EXOSC10: variants seen among roughly 807,000 people sequenced by gnomAD.
EXOSC10 encodes exosome component 10.
EXOSC10 carries 94 observed loss-of-function variants against 126.6 expected under a neutral mutation model. The ratio of observed to expected loss-of-function variants is 0.74; its 90% CI spans 0.63 to 0.88. The LOEUF (loss-of-function observed/expected upper bound fraction) is 0.88, where lower values mean the gene tolerates loss of function less well. Ranked by LOEUF, EXOSC10 falls within the 40% of genes least tolerant of loss-of-function variation. The pLI is 0.00. For missense variants in EXOSC10, 1,041 were observed against 1,100.5 expected (o/e 0.95, Z 0.77); for synonymous variants, 395 against 400.8 (o/e 0.99, Z 0.17).
chr1:11,091,403 T>C lies in EXOSC10; in HGVS notation c.477+90A>G, dbSNP rs1352865089. 5.7e-5 allele frequency: 66 copies of C among 1,167,088 alleles called. No individual in the cohort carries two copies. The Admixed American group carries it at 1.6e-3, about 28-fold the overall frequency. The allele number at this position is 1,167,088 out of a possible 1,614,324, so 72.3% of individuals were successfully genotyped here. A position where few individuals can be genotyped will look rare whatever the true frequency, so the allele number is the denominator to read the frequency against. ...AAGGAGACAGTGGCCAGTTCTCTAA[T>C]AAATTAGAACAGAAATGCATGTTAG... is the stretch of plus-strand genomic sequence containing the variant. On this transcript the variant is annotated intron_variant, in intron 4 of 24. Coordinates refer to ENST00000376936, the MANE Select transcript of EXOSC10 (RefSeq NM_001001998.3).
At chr1:11,069,866 G>C (rs1639356599) in intron 21 of EXOSC10, 136 bp from the exon 22 acceptor site, 1 of 906,480 alleles carries the variant, frequency 1.1e-6, no homozygotes, top group African/African-American at 1.7e-5. Flanking sequence ...GAGGAGCTGT[G>C]GCTGGAACTT....
intron 6 of EXOSC10, 24 bp downstream of exon 6, chr1:11,090,530 A>G (rs376433601): frequency 6.3e-7 from 1 of 1,586,452 alleles, no homozygotes. Context: ...CACGGCAGAA[A>G]GTCAGACACA....
At chr1:11,090,460 T>C in intron 6 of EXOSC10, 94 bp downstream of exon 6, 1 of 990,338 alleles carries the variant, frequency 1.0e-6, no homozygotes, top group South Asian at 1.4e-5. Context: ...TCACTACTCC[T>C]CAGATTGTTT....
At chr1:11,071,877 G>C (rs60786969) in intron 20 of EXOSC10, 2 of 494,968 alleles carry the variant, frequency 4.0e-6, no homozygotes, top group East Asian at 3.4e-5. Context: ...CAACGAGACA[G>C]CTACAGCACC....
chr1:11,069,458 T>G (rs1450108623), intron 22 of EXOSC10, 101 bp downstream of exon 22: 105 of 1,317,890 alleles, frequency 8.0e-5, no homozygotes, highest in Non-Finnish European at 1.1e-4. Context: ...GCACCATGCC[T>G]TGTGCAGGAC....
At position 11,087,472 on chromosome 1, in the gene EXOSC10, G is replaced by A. The variant is rs771020609; in HGVS notation, c.1065C>T (p.Ser355=). The A allele has an allele frequency of 3.1e-6, 5 of 1,614,094 alleles. No homozygotes were observed. The highest frequency in any genetic ancestry group is 3.4e-6 in the Non-Finnish European group (4 of 1,180,014). Residue 355 remains serine (S), a synonymous_variant, in exon 9 of 25, where the codon AGC becomes AGT. Transcript: ENST00000376936. ...LRSDMYILNE[S]LTDPAIVKVF... ...CCTTAACGATGGCTGGGTCTGTGAGGCTCTCATTGAGAATGTACATGTCAC... is the reference window on the plus strand; with the variant it reads ...CCTTAACGATGGCTGGGTCTGTGAGACTCTCATTGAGAATGTACATGTCAC...
At chr1:11,080,396 C>T (rs1439324871) in intron 13 of EXOSC10, 103 bp downstream of exon 13, 1 of 1,402,308 alleles carries the variant, frequency 7.1e-7, no homozygotes, top group African/African-American at 1.4e-5. Context: ...GCATTAATCT[C>T]TGAGTAAGCA....
Position 11,068,601 on chromosome 1 carries a change from C to T in EXOSC10, c.2550+44G>A, listed in dbSNP as rs367735562. ...TCTCAGCAGAGGAGGAGGTCAGAAACAGGCGCCACCAGCGTGCTAAAATCC... is the reference window on the plus strand; with the variant it reads ...TCTCAGCAGAGGAGGAGGTCAGAAATAGGCGCCACCAGCGTGCTAAAATCC... On this transcript the variant is annotated intron_variant, in intron 23 of 24. Transcript: ENST00000376936. 13 of 1,512,574 alleles carry T rather than the reference C, an allele frequency of 8.6e-6. No individual in the cohort carries two copies. The Admixed American group carries it at 1.3e-4, about 16-fold the overall frequency. The allele number at this position is 1,512,574 out of a possible 1,614,324, so 93.7% of individuals were successfully genotyped here. A position where few individuals can be genotyped will look rare whatever the true frequency, so the allele number is the denominator to read the frequency against.
chr1:11,082,759 G>C lies in EXOSC10; in HGVS notation c.1209C>G (p.Leu403=), dbSNP rs549732882. Residue 403 remains leucine (L), a synonymous_variant, in exon 10 of 25, where the codon CTC becomes CTG. Transcript: ENST00000376936. ...TGCAGTAGAGTTTCAGGAGATGATCGAGTGAGTGCCTGCCCAGGTTAAGAA... is the reference window on the plus strand; with the variant it reads ...TGCAGTAGAGTTTCAGGAGATGATCCAGTGAGTGCCTGCCCAGGTTAAGAA... The part of the protein sequence containing the change: ...ARLLNLGRHS[L]DHLLKLYCNV... The C allele has an allele frequency of 6.2e-7, 1 of 1,614,146 alleles. No individual in the cohort carries two copies. Among genetic ancestry groups the C allele is most frequent in the African/African-American group, 1.3e-5 (1 of 75,030 alleles).
Position 11,094,124 on chromosome 1 carries a change from A to G in EXOSC10, c.372+1634T>C, listed in dbSNP as rs886997995. On this transcript the variant is annotated intron_variant, in intron 3 of 24. Transcript: ENST00000376936. ...ATTTGCAGATCTGGAAGACAGATTCAGAATAAGGCACTTTATTTATTTATT... is the reference window on the plus strand; with the variant it reads ...ATTTGCAGATCTGGAAGACAGATTCGGAATAAGGCACTTTATTTATTTATT... 1.1e-4 allele frequency among the ~76,000 whole-genome samples: 17 copies of G among 152,184 alleles called. No homozygotes were observed. The East Asian group carries it at 2.9e-3, about 26-fold the overall frequency.
intron 16 of EXOSC10, 44 bp downstream of exon 16, chr1:11,077,321 T>C: frequency 6.3e-7 from 1 of 1,577,524 alleles, no homozygotes; most frequent in Non-Finnish European, 8.7e-7. Flanking sequence ...AAGGTAGCTG[T>C]GTCCCAACCT....
intron 20 of EXOSC10, chr1:11,071,741 G>C: frequency 4.8e-6 from 1 of 206,398 alleles, no homozygotes; most frequent in Non-Finnish European, 9.8e-6. Flanking sequence ...ACTTGCTGCT[G>C]CTCAGCATGC....
chr1:11,099,674 G>A lies in EXOSC10; in HGVS notation c.111+47C>T, dbSNP rs753365901. On this transcript the variant is annotated intron_variant, in intron 1 of 24. Coordinates refer to ENST00000376936, the MANE Select transcript of EXOSC10 (RefSeq NM_001001998.3). ...TGCCCAGAGGGCCCAGTCGGCTTCC[G>A]GCGGCCGCGGGCGACTCCTGGTACC... 50 of 1,528,876 alleles carry A rather than the reference G, an allele frequency of 3.3e-5. 1 individual carries two copies. Among genetic ancestry groups the A allele is most frequent in the Non-Finnish European group, 4.0e-5 (45 of 1,137,570 alleles). The allele number at this position is 1,528,876 out of a possible 1,614,324, so 94.7% of individuals were successfully genotyped here. A position where few individuals can be genotyped will look rare whatever the true frequency, so the allele number is the denominator to read the frequency against.
chr1:11,084,533 C>G (rs1640380284), intron 9 of EXOSC10, among the ~76,000 whole-genome samples: 1 of 152,160 alleles, frequency 6.6e-6, no homozygotes, highest in African/African-American at 2.4e-5. Context: ...AGCCCTTTGT[C>G]AGATGAGTAG....
chr1:11,074,161 C>T (rs1228441424), intron 18 of EXOSC10, 70 bp downstream of exon 18: 1 of 1,450,198 alleles, frequency 6.9e-7, no homozygotes, highest in African/African-American at 1.4e-5. Context: ...GGCTTCCTTC[C>T]CAGGTAAAAG....
At chr1:11,084,362 A>G (rs1640368559) in intron 9 of EXOSC10, among the ~76,000 whole-genome samples, 1 of 152,132 alleles carries the variant, frequency 6.6e-6, no homozygotes, top group Non-Finnish European at 1.5e-5. Flanking sequence ...TTCGATTTGC[A>G]TTTCTCTGAT....
Position 11,077,692 on chromosome 1 carries a change from G to A in EXOSC10, c.1750-41C>T, listed in dbSNP as rs370906994. On this transcript the variant is annotated intron_variant, in intron 14 of 24. Coordinates refer to ENST00000376936, the MANE Select transcript of EXOSC10 (RefSeq NM_001001998.3). ...AAGGGAATTGAGGAAAGTTGCCCAA[G>A]CACCTCAAGTCCAACCCCCAGTCTC... 5 of 1,576,418 alleles carry A rather than the reference G, an allele frequency of 3.2e-6. No individual in the cohort carries two copies. In the African/African-American group the frequency reaches 6.7e-5, roughly 21 times the overall value.
In EXOSC10 at chr1:11,067,364, G is replaced by A. The variant is rs1020718369; in HGVS notation, c.2628-616C>T. On this transcript the variant is annotated intron_variant, in intron 24 of 24. Coordinates refer to ENST00000376936, the MANE Select transcript of EXOSC10 (RefSeq NM_001001998.3). ...GGAGAATGGCGTGAACCCGGGAGGC[G>A]CAGCTTGCAGTGAGCAGAGATCGTG... Among the ~76,000 whole-genome samples the A allele has an allele frequency of 5.9e-5, 9 of 152,032 alleles. No homozygotes were observed. The East Asian group carries it at 1.4e-3, about 23-fold the overall frequency.
intron 21 of EXOSC10, among the ~76,000 whole-genome samples, chr1:11,070,287 G>GAAAAAAAAAAAAA (rs1639391213): frequency 1.0e-5 from 1 of 98,644 alleles, no homozygotes; most frequent in Non-Finnish European, 2.4e-5. Context: ...AAAAAAAAAG[G>GAAAAAAAAAAAAA]AAAGGCAGGG....
Sources: allele counts gnomAD v4.1 joint callset (sites outside exome capture counted in the v4.1 genomes callset), GRCh38; gene constraint gnomAD v4.1.1; transcripts MANE v1.5; gene names NCBI Gene and HGNC (gene_info 2026-07-23, HGNC 2026-07-21).